The following TMEM108 variants were observed in gnomAD, a reference collection of about 807,000 sequenced individuals.
TMEM108 encodes cancer/testis antigen 124.
Under a neutral mutation model 35.1 loss-of-function variants are expected in TMEM108, and 12 were observed. That is an observed-to-expected ratio of 0.34 (90% CI 0.22 to 0.55). The LOEUF (loss-of-function observed/expected upper bound fraction) is 0.55. Ranked by LOEUF, TMEM108 falls within the 20% of genes least tolerant of loss-of-function variation. The pLI is 0.89. For missense variants in TMEM108, 680 were observed against 753.3 expected (o/e 0.90, Z 1.14); for synonymous variants, 287 against 308.6 (o/e 0.93, Z 0.73).
chr3:133,127,551 A>G lies in TMEM108; in HGVS notation c.-47+81531A>G, dbSNP rs536862343. On this transcript the variant is annotated intron_variant, in intron 2 of 5. Transcript: ENST00000321871. ...CCTGGCAAGGAGTTATCTGTCTGGTAAACCACACTATCTCCACCCTTGTTC... is the reference window on the plus strand; with the variant it reads ...CCTGGCAAGGAGTTATCTGTCTGGTGAACCACACTATCTCCACCCTTGTTC... Among the ~76,000 whole-genome samples, 9 of 152,334 alleles carry G rather than the reference A, an allele frequency of 5.9e-5. No individual in the cohort carries two copies. In the South Asian group the frequency reaches 1.9e-3, roughly 32 times the overall value.
At chr3:133,058,418 G>A (rs1310852583) in intron 2 of TMEM108, among the ~76,000 whole-genome samples, 1 of 152,222 alleles carries the variant, frequency 6.6e-6, no homozygotes, top group African/African-American at 2.4e-5. Flanking sequence ...GCCTCAGACG[G>A]GAGCTCACCC....
At chr3:133,065,798 C>T (rs141214615) in intron 2 of TMEM108, among the ~76,000 whole-genome samples, 13 of 152,208 alleles carry the variant, frequency 8.5e-5, no homozygotes, top group South Asian at 2.1e-4. Flanking sequence ...ATAGTTCAGC[C>T]ATTTTCAAGG....
At chr3:133,378,559 C>T (rs1436794975) in intron 3 of TMEM108, 4 of 985,118 alleles carry the variant, frequency 4.1e-6, no homozygotes, top group African/African-American at 3.5e-5. Flanking sequence ...GCTAACAGGT[C>T]AGAATCAGGC....
At chr3:133,068,745 T>C (rs1272378576) in intron 2 of TMEM108, among the ~76,000 whole-genome samples, 1 of 152,072 alleles carries the variant, frequency 6.6e-6, no homozygotes, top group African/African-American at 2.4e-5. Context: ...GGATATAAAG[T>C]GGGGTCCTTG....
intron 3 of TMEM108, among the ~76,000 whole-genome samples, chr3:133,253,027 A>G (rs1012621547): frequency 2.6e-5 from 4 of 152,200 alleles, no homozygotes; most frequent in Non-Finnish European, 5.9e-5. Context: ...TCAAGAAACT[A>G]TTTGAAGTAT....
intron 2 of TMEM108, among the ~76,000 whole-genome samples, chr3:133,212,420 A>G (rs1453418380): frequency 6.6e-6 from 1 of 152,014 alleles, no homozygotes; most frequent in Non-Finnish European, 1.5e-5. Context: ...AGTTCATTAT[A>G]CTCCCTGTAA....
chr3:133,072,571 C>A (rs549212060), intron 2 of TMEM108, among the ~76,000 whole-genome samples: 1 of 152,068 alleles, frequency 6.6e-6, no homozygotes, highest in Non-Finnish European at 1.5e-5. Flanking sequence ...AAGAATACCC[C>A]ACGGAAGTTA....
chr3:133,234,950 C>A (rs867462139), intron 3 of TMEM108, among the ~76,000 whole-genome samples: 1 of 152,118 alleles, frequency 6.6e-6, no homozygotes, highest in Non-Finnish European at 1.5e-5. Flanking sequence ...CATTCCTATA[C>A]GTCAATAACA....
At chr3:133,188,207 C>T (rs570985682) in intron 2 of TMEM108, among the ~76,000 whole-genome samples, 7 of 152,254 alleles carry the variant, frequency 4.6e-5, no homozygotes, top group Non-Finnish European at 7.4e-5. Context: ...CCTTTCCCAT[C>T]GAACCAGGCG....
chr3:133,176,556 C>T (rs1559857604), intron 2 of TMEM108, among the ~76,000 whole-genome samples: 1 of 152,160 alleles, frequency 6.6e-6, no homozygotes, highest in Non-Finnish European at 1.5e-5. Flanking sequence ...ACAACCTGCT[C>T]CTGAATGACT....
intron 2 of TMEM108, among the ~76,000 whole-genome samples, chr3:133,151,185 G>A (rs1299518040): frequency 6.6e-6 from 1 of 151,936 alleles, no homozygotes. Flanking sequence ...CCTGACATTG[G>A]CACTTGACAT....
At chr3:133,227,085 CAT>C (rs770129606) in intron 2 of TMEM108, among the ~76,000 whole-genome samples, 1 of 151,732 alleles carries the variant, frequency 6.6e-6, no homozygotes, top group African/African-American at 2.4e-5. Context: ...CTTCCCACAA[CAT>C]GTGGGAATTC....
intron 2 of TMEM108, among the ~76,000 whole-genome samples, chr3:133,164,240 A>G (rs1272484837): frequency 6.6e-6 from 1 of 152,224 alleles, no homozygotes. Context: ...CCAAGTGTCA[A>G]GTCACAGCAA....
intron 3 of TMEM108, among the ~76,000 whole-genome samples, chr3:133,343,037 A>G (rs1418003373): frequency 6.6e-6 from 1 of 151,868 alleles, no homozygotes; most frequent in Non-Finnish European, 1.5e-5. Context: ...AAATATGTGC[A>G]ATTATTACAT....
chr3:133,378,508 G>A, intron 3 of TMEM108: 4 of 985,506 alleles, frequency 4.1e-6, no homozygotes, highest in Non-Finnish European at 4.8e-6. Context: ...TGAAGGAACT[G>A]CCTGAGGATG....
chr3:133,383,978 G>T (rs1360416578), intron 4 of TMEM108, among the ~76,000 whole-genome samples: 2 of 152,144 alleles, frequency 1.3e-5, no homozygotes, highest in Non-Finnish European at 2.9e-5. Context: ...CCCTGTGAAG[G>T]CTCCAGTGAG....
At chr3:133,135,656 A>G (rs1298607866) in intron 2 of TMEM108, among the ~76,000 whole-genome samples, 1 of 152,240 alleles carries the variant, frequency 6.6e-6, no homozygotes, top group Non-Finnish European at 1.5e-5. Flanking sequence ...CATGAGCTGC[A>G]ATAGTCACCT....
chr3:133,308,338 G>T (rs185162461), intron 3 of TMEM108, among the ~76,000 whole-genome samples: 104 of 152,172 alleles, frequency 6.8e-4, no homozygotes, highest in African/African-American at 2.5e-3. Flanking sequence ...TTTCCTAATT[G>T]AATAACCCTT....
intron 2 of TMEM108, among the ~76,000 whole-genome samples, chr3:133,214,725 C>T (rs544428448): frequency 6.6e-6 from 1 of 152,274 alleles, no homozygotes; most frequent in Admixed American, 6.5e-5. Context: ...CTGTTAGGAA[C>T]CAGGATGCAT....
Sources: gnomAD v4.1 joint callset for allele counts (sites outside exome capture counted in the v4.1 genomes callset) on GRCh38, gnomAD v4.1.1 for gene constraint, MANE v1.5 for transcripts, NCBI Gene and HGNC (gene_info 2026-07-23, HGNC 2026-07-21) for gene names.